SLC14A1: variants seen among roughly 807,000 people sequenced by gnomAD.
SLC14A1 encodes urea transporter 1.
SLC14A1 carries 36 observed loss-of-function variants against 39.6 expected under a neutral mutation model. The ratio of observed to expected loss-of-function variants is 0.91; its 90% CI spans 0.70 to 1.20. The LOEUF (loss-of-function observed/expected upper bound fraction) is 1.20, where lower values mean the gene tolerates loss of function less well. Among genes scored for constraint, SLC14A1 ranks in the 50% most tolerant of loss-of-function variants. SLC14A1 has a pLI of 0.00. For synonymous variants in SLC14A1, 164 were observed against 173.6 expected (o/e 0.94, Z 0.43); for missense variants, 469 against 478.7 (o/e 0.98, Z 0.19).
intron 4 of SLC14A1, among the ~76,000 whole-genome samples, chr18:45,733,470 A>G (rs2047091084): frequency 6.6e-6 from 1 of 152,248 alleles, no homozygotes; most frequent in Non-Finnish European, 1.5e-5. Context: ...ATTAATGTTG[A>G]TAAGATCAAA....
intron 2 of SLC14A1, among the ~76,000 whole-genome samples, 172 bp downstream of exon 2, chr18:45,725,185 T>C (rs2046831095): frequency 6.6e-6 from 1 of 152,224 alleles, no homozygotes; most frequent in Non-Finnish European, 1.5e-5. Context: ...AAATTTCTAA[T>C]ACATGCTGGC....
intron 8 of SLC14A1, among the ~76,000 whole-genome samples, chr18:45,745,011 A>C (rs1019253738): frequency 1.3e-5 from 2 of 152,176 alleles, no homozygotes; most frequent in Non-Finnish European, 2.9e-5. Context: ...TTGGGAGGCC[A>C]AGGCGGGTGG....
intron 5 of SLC14A1, among the ~76,000 whole-genome samples, chr18:45,735,508 G>T (rs1294254056): frequency 6.6e-6 from 1 of 151,890 alleles, no homozygotes; most frequent in African/African-American, 2.4e-5. Flanking sequence ...TGTTGACAAT[G>T]TCTTACATCC....
chr18:45,731,244 G>C (rs770987026), intron 4 of SLC14A1, 40 bp downstream of exon 4: 1 of 1,592,790 alleles, frequency 6.3e-7, no homozygotes, highest in Non-Finnish European at 8.6e-7. Flanking sequence ...TCCCTTCTGA[G>C]ACACAGGGGC....
At chr18:45,725,198 T>C (rs2046831766) in intron 2 of SLC14A1, among the ~76,000 whole-genome samples, 185 bp downstream of exon 2, 1 of 152,214 alleles carries the variant, frequency 6.6e-6, no homozygotes, top group Non-Finnish European at 1.5e-5. Flanking sequence ...ATGCTGGCAA[T>C]AGAATATATT....
At chr18:45,726,329 CA>C (rs2046860864) in intron 2 of SLC14A1, among the ~76,000 whole-genome samples, 1 of 152,024 alleles carries the variant, frequency 6.6e-6, no homozygotes, top group African/African-American at 2.4e-5. Context: ...GAATAAACAA[CA>C]GGGGGAGAAA....
At chr18:45,727,236 T>C (rs2046889859) in intron 2 of SLC14A1, 1 of 1,549,764 alleles carries the variant, frequency 6.5e-7, no homozygotes, top group Non-Finnish European at 8.7e-7. Flanking sequence ...GATTCACATA[T>C]TTTTGCCCTT....
At chr18:45,736,978 C>G (rs1043499326) in intron 6 of SLC14A1, among the ~76,000 whole-genome samples, 1 of 152,088 alleles carries the variant, frequency 6.6e-6, no homozygotes, top group African/African-American at 2.4e-5. Flanking sequence ...CATGTGGCCT[C>G]CAGCCTGGTT....
intron 9 of SLC14A1, 121 bp from the exon 10 acceptor site, chr18:45,749,657 C>T (rs2047654358): frequency 1.8e-6 from 2 of 1,141,956 alleles, no homozygotes; most frequent in East Asian, 2.4e-5. Flanking sequence ...GCACAGAATC[C>T]AGAGCAATGC....
At chr18:45,747,611 C>T (rs371261000) in intron 8 of SLC14A1, among the ~76,000 whole-genome samples, 9 of 152,000 alleles carry the variant, frequency 5.9e-5, no homozygotes, top group Non-Finnish European at 1.0e-4. Flanking sequence ...AGGAGAATGG[C>T]GTGAACCCAG....
At chr18:45,742,003 C>A (rs1035660525) in intron 8 of SLC14A1, among the ~76,000 whole-genome samples, 2 of 152,292 alleles carry the variant, frequency 1.3e-5, no homozygotes, top group Admixed American at 6.5e-5. Context: ...AGCTTTAGGT[C>A]CCATGCAGTT....
rs755756472 is a variant in SLC14A1 at position 45,731,209 on chromosome 18, G to C, written c.341+5G>C. 6.2e-7 allele frequency: 1 copy of C among 1,613,148 alleles called. No individual in the cohort carries two copies. Among genetic ancestry groups the C allele is most frequent in the Non-Finnish European group, 8.5e-7 (1 of 1,179,856 alleles). The stretch of plus-strand genomic sequence containing the variant: ...CCTCTTGCTCAGCCAGGACAGGTAG[G>C]TGTACCCTTTCAAGCCTTCTCAGCT... On this transcript the variant is annotated splice_donor_5th_base_variant and intron_variant, in intron 4 of 9. Coordinates refer to ENST00000321925, the MANE Select transcript of SLC14A1 (RefSeq NM_015865.7).
In SLC14A1 at chr18:45,752,135, G is replaced by A. The variant is rs1010421477; in HGVS notation, c.*2184G>A. 1 of 985,402 alleles carries A rather than the reference G, an allele frequency of 1.0e-6. No individual in the cohort carries two copies. The highest frequency in any genetic ancestry group is 1.2e-6 in the Non-Finnish European group (1 of 829,918). The allele number at this position is 985,402 out of a possible 1,614,324, so 61.0% of individuals were successfully genotyped here. On this transcript the variant is annotated 3_prime_UTR_variant, in exon 10 of 10. Coordinates refer to ENST00000321925, the MANE Select transcript of SLC14A1 (RefSeq NM_015865.7). ...ATAGGTTTATGGATATTGCTGTGGA[G>A]AAGCTCAATTTTCAGTGTTTGAACT...
intron 8 of SLC14A1, among the ~76,000 whole-genome samples, chr18:45,745,349 C>T (rs2047517386): frequency 1.3e-5 from 2 of 152,142 alleles, no homozygotes; most frequent in African/African-American, 4.8e-5. Flanking sequence ...ACGTTTCCCT[C>T]GGGATACCAG....
intron 2 of SLC14A1, chr18:45,729,617 T>C (rs185302243): frequency 6.6e-6 from 1 of 152,332 alleles, no homozygotes; most frequent in Admixed American, 6.5e-5. Flanking sequence ...TGATGAAATA[T>C]CCTTCTTGCC....
At chr18:45,730,620 G>A (rs915021711) in intron 3 of SLC14A1, 149 bp downstream of exon 3, 2 of 926,800 alleles carry the variant, frequency 2.2e-6, no homozygotes, top group South Asian at 1.7e-5. Context: ...CTTTTAACCT[G>A]CAAACCTCTC....
intron 5 of SLC14A1, among the ~76,000 whole-genome samples, chr18:45,736,056 TC>T (rs2047184629): frequency 6.6e-6 from 1 of 152,200 alleles, no homozygotes; most frequent in African/African-American, 2.4e-5. Flanking sequence ...AGAAATAATA[TC>T]TGCCAAATCA....
chr18:45,748,287 C>T (rs1266972267), intron 8 of SLC14A1, 89 bp from the exon 9 acceptor site: 2 of 1,356,152 alleles, frequency 1.5e-6, no homozygotes, highest in African/African-American at 1.4e-5. Flanking sequence ...ACTGTGCATT[C>T]CAGGTGATTT....
At chr18:45,748,712 G>C (rs2047625284) in intron 9 of SLC14A1, among the ~76,000 whole-genome samples, 1 of 152,216 alleles carries the variant, frequency 6.6e-6, no homozygotes, top group South Asian at 2.1e-4. Flanking sequence ...CTAACTCTAA[G>C]TGATAAGAAG....
Sources: gnomAD v4.1 joint callset for allele counts (sites outside exome capture counted in the v4.1 genomes callset) on GRCh38, gnomAD v4.1.1 for gene constraint, MANE v1.5 for transcripts, NCBI Gene and HGNC (gene_info 2026-07-23, HGNC 2026-07-21) for gene names.